PRDM16: variants seen among roughly 807,000 people sequenced by gnomAD.
PRDM16 encodes the protein histone-lysine N-methyltransferase PRDM16.
In PRDM16, 23 loss-of-function variants were observed where a neutral mutation model predicts 110.6. The ratio of observed to expected loss-of-function variants is 0.21; its 90% CI spans 0.15 to 0.29. The LOEUF (loss-of-function observed/expected upper bound fraction) is 0.29, where lower values mean the gene tolerates loss of function less well. Ranked by LOEUF, PRDM16 falls within the 10% of genes least tolerant of loss-of-function variation. The pLI is 1.00. For missense variants in PRDM16, 1,615 were observed against 1,794.3 expected (o/e 0.90, Z 1.81); for synonymous variants, 799 against 781.8 (o/e 1.02, Z -0.37).
intron 3 of PRDM16, among the ~76,000 whole-genome samples, chr1:3,373,192 T>C (rs1043299126): frequency 7.2e-5 from 11 of 152,120 alleles, no homozygotes; most frequent in Admixed American, 5.2e-4. Context: ...GGCTTCTGCA[T>C]GCGAGCTCCA....
intron 2 of PRDM16, among the ~76,000 whole-genome samples, chr1:3,195,851 G>C (rs10909893): frequency 5.3e-5 from 8 of 152,148 alleles, no homozygotes; most frequent in Admixed American, 1.3e-4. Flanking sequence ...GGAAAATAAG[G>C]ATTGGATGTG....
At chr1:3,189,153 G>A (rs777290046) in intron 2 of PRDM16, among the ~76,000 whole-genome samples, 2 of 152,210 alleles carry the variant, frequency 1.3e-5, no homozygotes, top group Admixed American at 1.3e-4. Flanking sequence ...GGCCTGAGAC[G>A]GGACGGGAAC....
chr1:3,305,047 T>C lies in PRDM16; in HGVS notation c.438+60910T>C, dbSNP rs149415659. 9.0e-3 allele frequency among the ~76,000 whole-genome samples: 1,368 copies of C among 152,120 alleles called. 13 individuals carry two copies. The highest frequency in any genetic ancestry group is 0.037 in the Middle Eastern group (11 of 294). ...ACTGTGTTGAGAAACGGATGATGGG[T>C]GGTTGAGAAACACACATGTGCAGTG... On this transcript the variant is annotated intron_variant, in intron 3 of 16. Transcript: ENST00000270722.
At position 3,433,833 on chromosome 1, in the gene PRDM16, G is replaced by T; in HGVS notation, c.*22G>T. 6.2e-7 allele frequency: 1 copy of T among 1,610,562 alleles called. No individual in the cohort carries two copies. Among genetic ancestry groups the T allele is most frequent in the South Asian group, 1.1e-5 (1 of 90,990 alleles). On this transcript the variant is annotated 3_prime_UTR_variant, in exon 17 of 17. Coordinates refer to ENST00000270722, the MANE Select transcript of PRDM16 (RefSeq NM_022114.4). Reference sequence around the variant, plus strand: ...CTGACGGGCTGGGCAGCCGGGGGCCGGTGGCCAGAGCGAGGGCACCAGCCA... The same window carrying T: ...CTGACGGGCTGGGCAGCCGGGGGCCTGTGGCCAGAGCGAGGGCACCAGCCA...
At chr1:3,363,858 G>A (rs1476884207) in intron 3 of PRDM16, among the ~76,000 whole-genome samples, 1 of 152,262 alleles carries the variant, frequency 6.6e-6, no homozygotes, top group African/African-American at 2.4e-5. Flanking sequence ...CACAACACGG[G>A]CCCGCTGCAG....
intron 3 of PRDM16, among the ~76,000 whole-genome samples, chr1:3,380,047 A>G (rs910096953): frequency 8.0e-6 from 1 of 124,328 alleles, no homozygotes; most frequent in Non-Finnish European, 1.7e-5. Flanking sequence ...CTCCCAACAC[A>G]TTCATCCCAA....
At chr1:3,319,218 G>C (rs933591972) in intron 3 of PRDM16, among the ~76,000 whole-genome samples, 1 of 152,204 alleles carries the variant, frequency 6.6e-6, no homozygotes, top group Admixed American at 6.5e-5. Flanking sequence ...GGGATGGGGA[G>C]CTAGGAGAGG....
In PRDM16 at chr1:3,236,861, G is replaced by C. The variant is rs1639551883; in HGVS notation, c.388-7226G>C. Among the ~76,000 whole-genome samples, 15 of 152,324 alleles carry C rather than the reference G, an allele frequency of 9.8e-5. No individual in the cohort carries two copies. The South Asian group carries it at 3.1e-3, about 32-fold the overall frequency. ...CTGGGGTTTACATGCATTATTGGGG[G>C]CCAAGTACCCAGTGCGGAGCCCGGC... On this transcript the variant is annotated intron_variant, in intron 2 of 16. Transcript: ENST00000270722.
Position 3,410,089 on chromosome 1 carries a change from T to C in PRDM16, c.1187-1295T>C, listed in dbSNP as rs559724841. ...TTGTGTATGTGCATGTGTATGAATG[T>C]GTGTGGTTGTGTGTGTGCGTGTGTG... On this transcript the variant is annotated intron_variant, in intron 8 of 16. Transcript: ENST00000270722. Among the ~76,000 whole-genome samples the C allele has an allele frequency of 4.1e-3, 594 of 144,108 alleles. 2 individuals carry two copies. The highest frequency in any genetic ancestry group is 7.7e-3 in the Middle Eastern group (2 of 260). The allele number at this position is 144,108 out of a possible 152,430, so 94.5% of individuals were successfully genotyped here.
At chr1:3,252,298 C>T (rs1639951961) in intron 3 of PRDM16, among the ~76,000 whole-genome samples, 1 of 152,226 alleles carries the variant, frequency 6.6e-6, no homozygotes, top group African/African-American at 2.4e-5. Context: ...CCTGTGCGGG[C>T]ATTGGGGGGC....
rs568321514 is a variant in PRDM16, at chr1:3,359,247, C to T, written c.439-25905C>T. Among the ~76,000 whole-genome samples the T allele has an allele frequency of 9.9e-5, 15 of 152,200 alleles. No individual in the cohort carries two copies. In the South Asian group the frequency reaches 3.1e-3, roughly 32 times the overall value. ...TTGACTTGGGGTCTCACTATGTTCC[C>T]CAGGCTTATACACATTTTTAAATGC... On this transcript the variant is annotated intron_variant, in intron 3 of 16. Transcript: ENST00000270722. The surrounding 1 kb of genome is among the most constrained non-coding windows in gnomAD (Gnocchi z 4.3).
chr1:3,415,128 G>A (rs1468830826), intron 10 of PRDM16, among the ~76,000 whole-genome samples: 1 of 152,172 alleles, frequency 6.6e-6, no homozygotes, highest in Non-Finnish European at 1.5e-5. Flanking sequence ...GTGGGCAGGG[G>A]GTCTGGAAAG....
At position 3,190,884 on chromosome 1, in the gene PRDM16, A is replaced by G. The variant is rs961012253; in HGVS notation, c.387+4410A>G. Among the ~76,000 whole-genome samples the G allele has an allele frequency of 6.6e-6, 1 of 152,206 alleles. No homozygotes were observed. The highest frequency in any genetic ancestry group is 1.5e-5 in the Non-Finnish European group (1 of 68,026). On this transcript the variant is annotated intron_variant, in intron 2 of 16. Transcript: ENST00000270722. This position sits in a 1 kb window ranked among gnomAD's most constrained non-coding sequence, Gnocchi z 5.0. ...AGGCGGCTGCCCGGTGACAGCCCAG[A>G]GGGAGGAGGCCATGGGTGAGGCACT...
At chr1:3,422,434 A>G (rs1638466447) in intron 12 of PRDM16, among the ~76,000 whole-genome samples, 2 of 152,226 alleles carry the variant, frequency 1.3e-5, no homozygotes, top group Admixed American at 1.3e-4. Flanking sequence ...AGAGGGGCAC[A>G]TGGCCCCAGC....
At position 3,206,070 on chromosome 1, in the gene PRDM16, C is replaced by CAT. The variant is rs1557528186; in HGVS notation, c.387+19597_387+19598dup. Reference sequence around the variant, plus strand: ...CTAACAGCCCCCTACCTGCGTTCCCCATGACCGGTGCTCACAACAGAGGTG... The same window carrying CAT: ...CTAACAGCCCCCTACCTGCGTTCCCCATATGACCGGTGCTCACAACAGAGGTG... On this transcript the variant is annotated intron_variant, in intron 2 of 16. Coordinates refer to ENST00000270722, the MANE Select transcript of PRDM16 (RefSeq NM_022114.4). The surrounding 1 kb of genome is among the most constrained non-coding windows in gnomAD (Gnocchi z 4.9). 6.6e-6 allele frequency: 1 copy of CAT among 152,278 alleles called. No homozygotes were observed. Among genetic ancestry groups the CAT allele is most frequent in the Admixed American group, 6.5e-5 (1 of 15,292 alleles). 9.4% of individuals were successfully genotyped at this position (152,278 alleles called of 1,614,324 possible).
chr1:3,313,569 C>T (rs1225743632), intron 3 of PRDM16, among the ~76,000 whole-genome samples: 1 of 152,232 alleles, frequency 6.6e-6, no homozygotes, highest in Non-Finnish European at 1.5e-5. Flanking sequence ...TTGAAATAGT[C>T]CCTTTGGGCC....
At chr1:3,409,142 AGT>A (rs1293672563) in intron 8 of PRDM16, among the ~76,000 whole-genome samples, 1 of 112,520 alleles carries the variant, frequency 8.9e-6, no homozygotes, top group Non-Finnish European at 1.9e-5. Context: ...TGAGTGTGTG[AGT>A]GTGGGTGTGT....
chr1:3,341,044 T>C (rs1642260569), intron 3 of PRDM16, among the ~76,000 whole-genome samples: 1 of 142,248 alleles, frequency 7.0e-6, no homozygotes. Flanking sequence ...CCCCGCACGC[T>C]CCTTGGCCAA....
At chr1:3,347,144 G>A (rs1393110817) in intron 3 of PRDM16, among the ~76,000 whole-genome samples, 4 of 152,204 alleles carry the variant, frequency 2.6e-5, no homozygotes, top group Non-Finnish European at 5.9e-5. Context: ...CCCCGGGAGT[G>A]TGAGTGTGGG....
Sources: allele counts gnomAD v4.1 joint callset (sites outside exome capture counted in the v4.1 genomes callset), GRCh38; gene constraint gnomAD v4.1.1; non-coding constraint Gnocchi (gnomAD v3.1); transcripts MANE v1.5; gene names NCBI Gene and HGNC (gene_info 2026-07-23, HGNC 2026-07-21).